Variants in GABRA5 observed in about 807,000 individuals in gnomAD.
The protein encoded by GABRA5 is gamma-aminobutyric acid receptor subunit alpha-5.
A neutral mutation model predicts 47.3 loss-of-function variants in GABRA5; 18 were observed. The observed-to-expected ratio is 0.38, with a 90% confidence interval of 0.26 to 0.56. The LOEUF (loss-of-function observed/expected upper bound fraction) is 0.56. GABRA5 is among the 20% of genes least tolerant of loss of function. The pLI, the probability that GABRA5 is intolerant of heterozygous loss-of-function variation, is 0.71. For missense variants in GABRA5, 365 were observed against 599.3 expected, an observed-to-expected ratio of 0.61 and a Z score of 4.08; for synonymous variants, 237 against 229.3, an observed-to-expected ratio of 1.03 and a Z score of -0.30.
chr15:26,873,295 A>G (rs1892515764), intron 3 of GABRA5, among the ~76,000 whole-genome samples: 1 of 152,180 alleles, frequency 6.6e-6, no homozygotes. Context: ...GACCAGTGAC[A>G]ATTGTGAGAT....
At chr15:26,876,413 G>C (rs1472257686) in intron 3 of GABRA5, among the ~76,000 whole-genome samples, 1 of 152,200 alleles carries the variant, frequency 6.6e-6, no homozygotes, top group Non-Finnish European at 1.5e-5. Context: ...TCTGAGGTCA[G>C]GAAGGTAAGA....
At chr15:26,914,315 G>A (rs997316513) in intron 6 of GABRA5, among the ~76,000 whole-genome samples, 2 of 152,148 alleles carry the variant, frequency 1.3e-5, no homozygotes, top group African/African-American at 4.8e-5. Context: ...AATGTACCAC[G>A]TGAAGTTATA....
In GABRA5 at chr15:26,936,358, A is replaced by C. The variant is rs34037073; in HGVS notation, c.581-827A>C. On this transcript the variant is annotated intron_variant, in intron 7 of 10. Coordinates refer to ENST00000335625, the MANE Select transcript of GABRA5 (RefSeq NM_000810.4). ...GATTAATATATTCCAGCCTAGTCAC[A>C]TCTTTTAGAGGTTGCCCACTCTCCT... 0.015 allele frequency among the ~76,000 whole-genome samples: 2,234 copies of C among 152,194 alleles called. 156 individuals are homozygous for C. The East Asian group carries it at 0.24, about 16-fold the overall frequency.
rs1244079141 is a variant in GABRA5 at position 26,908,850 on chromosome 15, C to T, written c.498-5953C>T. On this transcript the variant is annotated intron_variant, in intron 6 of 10. Coordinates refer to ENST00000335625, the MANE Select transcript of GABRA5 (RefSeq NM_000810.4). ...ATTATCAAAGTCTGAATTTTCACTG[C>T]AGTGAACATGATGTGAGCTACTTAC... Among the ~76,000 whole-genome samples, 4 of 152,298 alleles carry T rather than the reference C, an allele frequency of 2.6e-5. No individual in the cohort carries two copies. The East Asian group carries it at 7.7e-4, about 29-fold the overall frequency.
At chr15:26,922,699 T>C (rs1429824369) in intron 7 of GABRA5, among the ~76,000 whole-genome samples, 1 of 152,144 alleles carries the variant, frequency 6.6e-6, no homozygotes, top group African/African-American at 2.4e-5. Flanking sequence ...TTATTTATAA[T>C]GTTATCATGT....
At chr15:26,904,699 C>A (rs1445453302) in intron 6 of GABRA5, among the ~76,000 whole-genome samples, 3 of 152,026 alleles carry the variant, frequency 2.0e-5, no homozygotes, top group Admixed American at 2.0e-4. Flanking sequence ...GAGCTGTATT[C>A]CTAGGTATTT....
intron 7 of GABRA5, among the ~76,000 whole-genome samples, chr15:26,935,681 G>A (rs752374439): frequency 6.6e-6 from 1 of 152,164 alleles, no homozygotes; most frequent in African/African-American, 2.4e-5. Flanking sequence ...CGCGTCTCAT[G>A]TCCTCAGTCT....
chr15:26,937,416 G>GTT, intron 8 of GABRA5, 88 bp downstream of exon 8: 2 of 1,394,586 alleles, frequency 1.4e-6, no homozygotes, highest in Non-Finnish European at 1.9e-6. Context: ...CTCTCTGCAG[G>GTT]GGCCACGTGG....
chr15:26,913,299 G>T (rs754002614), intron 6 of GABRA5, among the ~76,000 whole-genome samples: 1 of 151,988 alleles, frequency 6.6e-6, no homozygotes, highest in Non-Finnish European at 1.5e-5. Flanking sequence ...GAAACCTTCC[G>T]TCAAAAGTTG....
At chr15:26,886,259 A>T (rs1469403442) in intron 6 of GABRA5, among the ~76,000 whole-genome samples, 1 of 152,110 alleles carries the variant, frequency 6.6e-6, no homozygotes, top group Non-Finnish European at 1.5e-5. Context: ...ACCTCAGGTG[A>T]TCCACTGGCC....
intron 7 of GABRA5, among the ~76,000 whole-genome samples, chr15:26,936,110 C>T (rs1178096522): frequency 6.6e-6 from 1 of 152,156 alleles, no homozygotes; most frequent in Non-Finnish European, 1.5e-5. Flanking sequence ...TTCCCCTGCT[C>T]GCACTCATTC....
chr15:26,911,371 G>GCACA (rs111798012), intron 6 of GABRA5, among the ~76,000 whole-genome samples: 6,808 of 118,320 alleles, frequency 0.058, 216 homozygotes, highest in South Asian at 0.16. Flanking sequence ...CTTGCTGCAT[G>GCACA]CACACACACA....
At chr15:26,930,431 C>T (rs1894073259) in intron 7 of GABRA5, among the ~76,000 whole-genome samples, 1 of 152,170 alleles carries the variant, frequency 6.6e-6, no homozygotes, top group Non-Finnish European at 1.5e-5. Context: ...AGCCGATATT[C>T]AACTCCATTA....
At chr15:26,871,470 A>C (rs1892470496) in intron 3 of GABRA5, among the ~76,000 whole-genome samples, 1 of 152,220 alleles carries the variant, frequency 6.6e-6, no homozygotes, top group Admixed American at 6.5e-5. Context: ...AACTTTCCAG[A>C]AAATTAACTG....
intron 6 of GABRA5, among the ~76,000 whole-genome samples, chr15:26,885,741 T>C (rs1010387056): frequency 1.3e-5 from 2 of 151,930 alleles, no homozygotes; most frequent in African/African-American, 4.8e-5. Flanking sequence ...AAAGGAAGGG[T>C]TTGGAGAGAA....
chr15:26,932,707 T>G (rs1438678293), intron 7 of GABRA5, among the ~76,000 whole-genome samples: 1 of 152,144 alleles, frequency 6.6e-6, no homozygotes, highest in African/African-American at 2.4e-5. Flanking sequence ...AGACATGGAA[T>G]CAACCCAAAT....
At chr15:26,908,680 G>T (rs150996460) in intron 6 of GABRA5, among the ~76,000 whole-genome samples, 68 of 152,158 alleles carry the variant, frequency 4.5e-4, no homozygotes, top group African/African-American at 1.4e-3. Context: ...GAATTTCAAG[G>T]GTCCCTAAAT....
At chr15:26,881,008 G>T (rs753372222) in intron 4 of GABRA5, 41 bp downstream of exon 4, 79 of 1,606,894 alleles carry the variant, frequency 4.9e-5, no homozygotes, top group Non-Finnish European at 6.7e-5. Flanking sequence ...AAGGATCCAG[G>T]AAGGGCTTAA....
At chr15:26,914,917 C>T (rs987747662) in intron 7 of GABRA5, 32 bp downstream of exon 7, 4 of 1,557,946 alleles carry the variant, frequency 2.6e-6, no homozygotes, top group Non-Finnish European at 3.5e-6. Flanking sequence ...GAGCCTTGGA[C>T]ATATACTTTG....
Sources: gnomAD v4.1 joint callset for allele counts (sites outside exome capture counted in the v4.1 genomes callset) on GRCh38, gnomAD v4.1.1 for gene constraint, MANE v1.5 for transcripts, NCBI Gene and HGNC (gene_info 2026-07-23, HGNC 2026-07-21) for gene names.